Variants in ASIC2 observed in about 807,000 individuals in gnomAD.
The protein encoded by ASIC2 is acid-sensing ion channel 2.
ASIC2 carries 25 observed loss-of-function variants against 57.3 expected under a neutral mutation model. The observed-to-expected ratio is 0.44, with a 90% confidence interval of 0.32 to 0.61. The LOEUF is 0.61. ASIC2 is among the 20% of genes least tolerant of loss of function. The pLI, the probability that ASIC2 is intolerant of heterozygous loss-of-function variation, is 0.06. For synonymous variants in ASIC2, 319 were observed against 307.5 expected (o/e 1.04, Z -0.39); for missense variants, 641 against 738.1 (o/e 0.87, Z 1.52).
intron 1 of ASIC2, among the ~76,000 whole-genome samples, chr17:33,682,010 A>G (rs1466065780): frequency 1.3e-5 from 2 of 150,278 alleles, no homozygotes; most frequent in African/African-American, 2.5e-5. Context: ...GTAGAACTCT[A>G]TGACTCCACA....
At chr17:33,403,974 C>T (rs1597716063) in intron 1 of ASIC2, among the ~76,000 whole-genome samples, 1 of 152,216 alleles carries the variant, frequency 6.6e-6, no homozygotes, top group Non-Finnish European at 1.5e-5. Flanking sequence ...ACCGGGATTT[C>T]TAGCTTAGTG....
At chr17:33,041,478 T>C (rs894875805) in intron 3 of ASIC2, among the ~76,000 whole-genome samples, 2 of 152,200 alleles carry the variant, frequency 1.3e-5, no homozygotes, top group African/African-American at 4.8e-5. Flanking sequence ...TAGTGGGTGC[T>C]TGATGCTTGC....
At chr17:33,437,727 C>T (rs1005482210) in intron 1 of ASIC2, among the ~76,000 whole-genome samples, 5 of 151,268 alleles carry the variant, frequency 3.3e-5, no homozygotes, top group Non-Finnish European at 7.4e-5. Context: ...ACCCAGGATG[C>T]GGAGGTTGCA....
chr17:33,365,898 C>G (rs1908790941), intron 1 of ASIC2, among the ~76,000 whole-genome samples: 1 of 152,178 alleles, frequency 6.6e-6, no homozygotes. Context: ...CAAGGTAGGA[C>G]TTGCCTAGAG....
chr17:33,765,659 A>G (rs1910914034), intron 1 of ASIC2, among the ~76,000 whole-genome samples: 1 of 152,190 alleles, frequency 6.6e-6, no homozygotes, highest in South Asian at 2.1e-4. Flanking sequence ...TTCCCCTGGA[A>G]TCTTGGAGTG....
intron 1 of ASIC2, among the ~76,000 whole-genome samples, chr17:34,098,750 G>A (rs1480925150): frequency 6.6e-6 from 1 of 152,122 alleles, no homozygotes; most frequent in Non-Finnish European, 1.5e-5. Context: ...AAGGCGACTG[G>A]AAGTTTGGCT....
chr17:34,015,662 G>T (rs1368518928), intron 1 of ASIC2, among the ~76,000 whole-genome samples: 1 of 152,206 alleles, frequency 6.6e-6, no homozygotes, highest in Non-Finnish European at 1.5e-5. Context: ...CCCTATGATG[G>T]CCACAGAAGA....
At chr17:33,725,691 G>A (rs896973000) in intron 1 of ASIC2, among the ~76,000 whole-genome samples, 6 of 151,376 alleles carry the variant, frequency 4.0e-5, no homozygotes, top group Non-Finnish European at 8.8e-5. Context: ...TCAGCATATG[G>A]ATGCAATTGC....
intron 1 of ASIC2, among the ~76,000 whole-genome samples, chr17:33,276,894 AT>A (rs1231873600): frequency 6.6e-6 from 1 of 152,158 alleles, no homozygotes; most frequent in African/African-American, 2.4e-5. Context: ...CAGGGTTGAT[AT>A]GCACTCAGGT....
At chr17:33,390,225 A>G (rs2141952047) in intron 1 of ASIC2, among the ~76,000 whole-genome samples, 1 of 152,114 alleles carries the variant, frequency 6.6e-6, no homozygotes. Context: ...AGGCAGGAGA[A>G]TCACTTGAAC....
chr17:33,282,800 A>G (rs1416968848), intron 1 of ASIC2, among the ~76,000 whole-genome samples: 2 of 152,040 alleles, frequency 1.3e-5, no homozygotes, highest in South Asian at 2.1e-4. Flanking sequence ...CTGCTTCCAC[A>G]GTTCCATCTC....
intron 1 of ASIC2, chr17:34,082,145 G>A (rs56965867): frequency 6.6e-6 from 1 of 152,082 alleles, no homozygotes; most frequent in Non-Finnish European, 1.5e-5. Flanking sequence ...TCTTCCTGCT[G>A]CTTCAGGAAG....
At chr17:33,257,119 A>G (rs570855605) in intron 1 of ASIC2, among the ~76,000 whole-genome samples, 7 of 152,172 alleles carry the variant, frequency 4.6e-5, no homozygotes, top group Non-Finnish European at 1.0e-4. Context: ...AAATGGAGTG[A>G]TTTTACATAA....
At chr17:33,594,084 T>C (rs1186566887) in intron 1 of ASIC2, among the ~76,000 whole-genome samples, 1 of 152,256 alleles carries the variant, frequency 6.6e-6, no homozygotes, top group African/African-American at 2.4e-5. Flanking sequence ...CAAGTCATCT[T>C]GCTAGATCTT....
intron 3 of ASIC2, among the ~76,000 whole-genome samples, chr17:33,079,731 C>T (rs945630270): frequency 6.6e-6 from 1 of 152,076 alleles, no homozygotes; most frequent in African/African-American, 2.4e-5. Flanking sequence ...TAACAGCTAG[C>T]ATCATTTGGG....
At chr17:33,556,180 G>T (rs1240985014) in intron 1 of ASIC2, among the ~76,000 whole-genome samples, 2 of 152,216 alleles carry the variant, frequency 1.3e-5, no homozygotes, top group African/African-American at 4.8e-5. Flanking sequence ...GTGCATCATG[G>T]TGTTACCACC....
In ASIC2 at chr17:33,411,816, G is replaced by A. The variant is rs1910672048; in HGVS notation, c.556-299749C>T. 3.3e-5 allele frequency among the ~76,000 whole-genome samples: 5 copies of A among 152,192 alleles called. No homozygotes were observed. In the South Asian group the frequency reaches 1.0e-3, roughly 32 times the overall value. On this transcript the variant is annotated intron_variant, in intron 1 of 9. Transcript: ENST00000359872. ...TGATGAGTCTCAGCTTCCTCATTGT[G>A]AAATTGGATAATCACGTCCACTTTA...
intron 1 of ASIC2, among the ~76,000 whole-genome samples, chr17:33,841,625 A>G (rs1913440850): frequency 6.6e-6 from 1 of 152,250 alleles, no homozygotes; most frequent in East Asian, 1.9e-4. Context: ...CCTTTGGAAG[A>G]GTCCCCGTGG....
chr17:33,634,520 T>TC (rs1187507425), intron 1 of ASIC2, among the ~76,000 whole-genome samples: 1 of 145,866 alleles, frequency 6.9e-6, no homozygotes, highest in East Asian at 2.0e-4. Context: ...TTTTCTTTTT[T>TC]TTTTTTTTTT....
Sources: allele counts gnomAD v4.1 joint callset (sites outside exome capture counted in the v4.1 genomes callset), GRCh38; gene constraint gnomAD v4.1.1; transcripts MANE v1.5; gene names NCBI Gene and HGNC (gene_info 2026-07-23, HGNC 2026-07-21).